Variants in LRRC4C observed in about 807,000 individuals in gnomAD.
The protein encoded by LRRC4C is leucine rich repeat containing 4C.
LRRC4C carries 5 observed loss-of-function variants against 33.6 expected under a neutral mutation model. The observed-to-expected ratio is 0.15, with a 90% CI of 0.08 to 0.31. The LOEUF (loss-of-function observed/expected upper bound fraction) is 0.31, where lower values mean the gene tolerates loss of function less well. Among genes scored for constraint, LRRC4C ranks in the 10% least tolerant of loss-of-function variants. The pLI is 1.00. For missense variants in LRRC4C, 560 were observed against 796.7 expected, an observed-to-expected ratio of 0.70 and a Z score of 3.58; for synonymous variants, 329 against 302.0, an observed-to-expected ratio of 1.09 and a Z score of -0.93.
At chr11:40,772,621 C>T (rs181015817) in intron 2 of LRRC4C, among the ~76,000 whole-genome samples, 131 of 152,212 alleles carry the variant, frequency 8.6e-4, no homozygotes, top group Non-Finnish European at 1.7e-3. Flanking sequence ...CACTGATTAC[C>T]AGAAAATGCA....
intron 1 of LRRC4C, among the ~76,000 whole-genome samples, chr11:41,225,365 A>G (rs1477004385): frequency 1.3e-5 from 2 of 152,180 alleles, no homozygotes; most frequent in Non-Finnish European, 2.9e-5. Flanking sequence ...CCATGATGTG[A>G]TTATTACACA....
chr11:41,437,412 C>CAT (rs1565672495), intron 1 of LRRC4C, among the ~76,000 whole-genome samples: 1 of 149,134 alleles, frequency 6.7e-6, no homozygotes, highest in Admixed American at 6.6e-5. Flanking sequence ...CACACACAAA[C>CAT]GCGCGCGCGC....
intron 2 of LRRC4C, among the ~76,000 whole-genome samples, chr11:40,822,956 G>A (rs1026222746): frequency 6.6e-5 from 10 of 151,506 alleles, no homozygotes; most frequent in African/African-American, 2.4e-4. Flanking sequence ...AATAATCTTG[G>A]TATCTTATTG....
intron 1 of LRRC4C, among the ~76,000 whole-genome samples, chr11:41,094,610 C>A: frequency 6.6e-6 from 1 of 152,088 alleles, no homozygotes; most frequent in East Asian, 1.9e-4. Context: ...CTATTAACCC[C>A]ATATAATATT....
chr11:40,927,670 A>G (rs964193859), intron 2 of LRRC4C, among the ~76,000 whole-genome samples: 2 of 152,234 alleles, frequency 1.3e-5, no homozygotes, highest in Non-Finnish European at 2.9e-5. Context: ...GATTTTCCTA[A>G]CATGTTATTA....
intron 1 of LRRC4C, among the ~76,000 whole-genome samples, chr11:40,936,017 TATATATATATATATATATATATATA>T (rs1957869455): frequency 8.2e-5 from 1 of 12,230 alleles, no homozygotes; most frequent in African/African-American, 6.2e-4. Flanking sequence ...CCAAATTTTA[TATATATATATATATATATATATATA>T]TATATATATA....
chr11:40,800,204 T>C (rs958846465), intron 2 of LRRC4C, among the ~76,000 whole-genome samples: 2 of 152,238 alleles, frequency 1.3e-5, no homozygotes, highest in African/African-American at 4.8e-5. Flanking sequence ...TCACCTTACA[T>C]CTGGTCCATG....
chr11:40,843,476 T>G (rs757486040), intron 2 of LRRC4C, among the ~76,000 whole-genome samples: 12 of 152,312 alleles, frequency 7.9e-5, no homozygotes, highest in Non-Finnish European at 1.0e-4. Context: ...ACACCCAAGT[T>G]AACTAATCAA....
intron 3 of LRRC4C, among the ~76,000 whole-genome samples, chr11:40,619,835 C>T (rs772686892): frequency 6.6e-6 from 1 of 151,322 alleles, no homozygotes; most frequent in African/African-American, 2.4e-5. Context: ...CACATTTTCT[C>T]GGTGTTGCAG....
chr11:41,120,965 G>T (rs936188122), intron 1 of LRRC4C, among the ~76,000 whole-genome samples: 2 of 152,068 alleles, frequency 1.3e-5, no homozygotes, highest in East Asian at 1.9e-4. Context: ...TGTGATGATT[G>T]TAAGTTTCCT....
At chr11:40,395,810 A>G (rs1428450692) in intron 3 of LRRC4C, among the ~76,000 whole-genome samples, 8 of 152,040 alleles carry the variant, frequency 5.3e-5, no homozygotes, top group Non-Finnish European at 1.0e-4. Flanking sequence ...AATGTGTTGA[A>G]ACCTTATCTG....
At chr11:40,764,825 A>C (rs1014222774) in intron 2 of LRRC4C, among the ~76,000 whole-genome samples, 1 of 152,188 alleles carries the variant, frequency 6.6e-6, no homozygotes, top group Non-Finnish European at 1.5e-5. Flanking sequence ...GATTTTACCC[A>C]AGATCACCAA....
intron 3 of LRRC4C, among the ~76,000 whole-genome samples, chr11:40,421,820 A>G: frequency 6.6e-6 from 1 of 152,226 alleles, no homozygotes; most frequent in Non-Finnish European, 1.5e-5. Flanking sequence ...AGATGCATTG[A>G]TCTGTGTCAA....
At chr11:40,463,974 C>T (rs1952532495) in intron 3 of LRRC4C, among the ~76,000 whole-genome samples, 1 of 152,020 alleles carries the variant, frequency 6.6e-6, no homozygotes, top group Non-Finnish European at 1.5e-5. Context: ...TTATCCCTAA[C>T]TCATTCTGCA....
At chr11:41,304,915 T>TGG (rs375392172) in intron 1 of LRRC4C, among the ~76,000 whole-genome samples, 1 of 27,114 alleles carries the variant, frequency 3.7e-5, no homozygotes, top group African/African-American at 1.3e-4. Context: ...GGGAGGGAGG[T>TGG]GGGGGGGGGT....
intron 2 of LRRC4C, among the ~76,000 whole-genome samples, chr11:40,733,269 G>T (rs1399719941): frequency 6.6e-6 from 1 of 151,536 alleles, no homozygotes; most frequent in African/African-American, 2.4e-5. Flanking sequence ...TAAAGACAGG[G>T]TTTCACCATG....
At chr11:40,722,552 C>T (rs781383902) in intron 2 of LRRC4C, among the ~76,000 whole-genome samples, 16 of 152,202 alleles carry the variant, frequency 1.1e-4, no homozygotes, top group Non-Finnish European at 2.1e-4. Flanking sequence ...ACAACATACA[C>T]TGCAGTCAAA....
intron 2 of LRRC4C, among the ~76,000 whole-genome samples, chr11:40,754,601 G>A (rs1049808490): frequency 1.8e-4 from 27 of 152,096 alleles, no homozygotes; most frequent in Non-Finnish European, 1.5e-5. Context: ...AGGAAAGCCA[G>A]AGACCAGGGC....
intron 1 of LRRC4C, among the ~76,000 whole-genome samples, chr11:41,140,585 C>T (rs762452889): frequency 6.6e-6 from 1 of 152,210 alleles, no homozygotes; most frequent in East Asian, 1.9e-4. Context: ...CAGGGTAAAA[C>T]GTTCTCTGAT....
Sources: allele counts gnomAD v4.1 joint callset (sites outside exome capture counted in the v4.1 genomes callset), GRCh38; gene constraint gnomAD v4.1.1; transcripts MANE v1.5; gene names NCBI Gene and HGNC (gene_info 2026-07-23, HGNC 2026-07-21).